The following TEX36 variants were observed in gnomAD, a reference collection of about 807,000 sequenced individuals.
The protein encoded by TEX36 is testis-expressed protein 36.
Under a neutral mutation model 13.6 loss-of-function variants are expected in TEX36, and 12 were observed. That is an observed-to-expected ratio of 0.88 (90% confidence interval 0.56 to 1.43). The LOEUF is 1.43. Ranked by LOEUF, TEX36 falls within the 40% of genes most tolerant of loss-of-function variation. The probability of loss-of-function intolerance (pLI) is 0.00; values close to 1 mark genes in which losing one functional copy is unlikely to be tolerated. For missense variants in TEX36, 224 were observed against 228.3 expected (o/e 0.98, Z 0.12); for synonymous variants, 93 against 83.0 (o/e 1.12, Z -0.65).
intron 3 of TEX36, among the ~76,000 whole-genome samples, chr10:125,644,724 A>G (rs1846741443): frequency 6.6e-6 from 1 of 152,184 alleles, no homozygotes. Context: ...TGTGAATATG[A>G]TGCTGTGTCA....
intron 1 of TEX36, among the ~76,000 whole-genome samples, chr10:125,668,798 G>A (rs1483620366): frequency 1.3e-5 from 2 of 152,156 alleles, no homozygotes; most frequent in African/African-American, 4.8e-5. Flanking sequence ...TCCTTGGAGT[G>A]CATTGTTGAT....
chr10:125,604,282 G>A (rs1846187661), intron 3 of TEX36, among the ~76,000 whole-genome samples: 1 of 152,148 alleles, frequency 6.6e-6, no homozygotes, highest in African/African-American at 2.4e-5. Flanking sequence ...TACCGCCTGA[G>A]CTCCCTGCCC....
downstream of TEX36, among the ~76,000 whole-genome samples, chr10:125,655,218 G>C (rs1197399151): frequency 6.6e-6 from 1 of 152,142 alleles, no homozygotes; most frequent in Non-Finnish European, 1.5e-5. Context: ...GCCGAGGTGG[G>C]AGGATCACTT....
chr10:125,593,018 G>C (rs1846040030), intron 3 of TEX36, among the ~76,000 whole-genome samples: 1 of 152,108 alleles, frequency 6.6e-6, no homozygotes. Context: ...TTTTTATGAA[G>C]GTTTCATTAT....
chr10:125,577,919 G>T (rs1290669864), intron 3 of TEX36, among the ~76,000 whole-genome samples: 1 of 152,202 alleles, frequency 6.6e-6, no homozygotes, highest in Non-Finnish European at 1.5e-5. Context: ...AGATTAAAAA[G>T]GGCAGGTCTT....
chr10:125,597,747 G>A (rs1240659558), intron 3 of TEX36, among the ~76,000 whole-genome samples: 1 of 152,190 alleles, frequency 6.6e-6, no homozygotes, highest in Non-Finnish European at 1.5e-5. Flanking sequence ...AAGAATGGCA[G>A]TCAGGGTTTA....
intron 1 of TEX36, among the ~76,000 whole-genome samples, chr10:125,681,288 T>C (rs1847388266): frequency 6.6e-6 from 1 of 152,214 alleles, no homozygotes. Flanking sequence ...AACTTCTAGG[T>C]TTCATTGTTA....
chr10:125,623,321 C>T (rs1846449649), intron 3 of TEX36, among the ~76,000 whole-genome samples: 1 of 152,126 alleles, frequency 6.6e-6, no homozygotes, highest in Non-Finnish European at 1.5e-5. Flanking sequence ...GAGGGTAGGT[C>T]CTCCTCTCCT....
chr10:125,628,397 G>A (rs1419370434), intron 3 of TEX36, among the ~76,000 whole-genome samples: 1 of 152,198 alleles, frequency 6.6e-6, no homozygotes, highest in Non-Finnish European at 1.5e-5. Context: ...TGGCTGCTGT[G>A]CAAAGTCTTC....
In TEX36 at chr10:125,661,958, G is replaced by C. The variant is rs971316028; in HGVS notation, c.71C>G (p.Thr24Arg). The C allele has an allele frequency of 2.6e-6, 4 of 1,552,224 alleles. No individual in the cohort carries two copies. The African/African-American group carries it at 5.5e-5, about 21-fold the overall frequency. ...DGRWFPHIGL[T>R]QKTPESITSA... ...GGTGATGGATTCTGGTGTCTTTTGC[G>C]TTAGCCCGATGTGAGGGAACTGGAA... Residue 24 changes from threonine (T) to arginine (R), a missense_variant, in exon 2 of 4, where the codon ACG (threonine) becomes AGG (arginine). Thr to Arg is a moderately conservative substitution (Grantham distance 71). Transcript: ENST00000368821.
rs756505995 is a variant in TEX36, at chr10:125,655,950, T to C, written c.511A>G (p.Lys171Glu). The change falls in exon 4 of 4, where the codon AAA becomes GAA. Residue 171 changes from lysine (K) to glutamate (E), a missense_variant. Transcript: ENST00000368821. The part of the protein sequence containing the change: ...SYTEVLKKKP[K>E]VRFTVDKKVV... Reference sequence around the variant, plus strand: ...TTTTTGTCAACAGTGAACCTTACTTTGGGCTTCTTTTTCAAAACCTCTGTA... The same window carrying C: ...TTTTTGTCAACAGTGAACCTTACTTCGGGCTTCTTTTTCAAAACCTCTGTA... 10 of 1,548,616 alleles carry C rather than the reference T, an allele frequency of 6.5e-6. No individual in the cohort carries two copies. The South Asian group carries it at 9.6e-5, about 15-fold the overall frequency.
chr10:125,660,714 C>G (rs1025869131), intron 3 of TEX36, among the ~76,000 whole-genome samples: 2 of 152,208 alleles, frequency 1.3e-5, no homozygotes, highest in Non-Finnish European at 1.5e-5. Flanking sequence ...CATAGCAGTC[C>G]CTCCTTCCCA....
intron 3 of TEX36, among the ~76,000 whole-genome samples, chr10:125,603,520 A>G (rs1846176343): frequency 6.6e-6 from 1 of 151,938 alleles, no homozygotes; most frequent in Non-Finnish European, 1.5e-5. Flanking sequence ...CGAACCTTAT[A>G]CTGCACAGTG....
chr10:125,617,018 T>G (rs1487894949), downstream of TEX36, among the ~76,000 whole-genome samples: 1 of 152,268 alleles, frequency 6.6e-6, no homozygotes, highest in Non-Finnish European at 1.5e-5. Flanking sequence ...CTTGTTGAAT[T>G]GATCCCTTTG....
chr10:125,577,323 C>G (rs551204643), intron 3 of TEX36, among the ~76,000 whole-genome samples: 30 of 152,214 alleles, frequency 2.0e-4, no homozygotes, highest in African/African-American at 7.2e-4. Flanking sequence ...ATGGCGAAAC[C>G]CTGTCTCTAC....
chr10:125,600,582 A>G (rs1236553223), intron 3 of TEX36, among the ~76,000 whole-genome samples: 2 of 152,318 alleles, frequency 1.3e-5, no homozygotes, highest in East Asian at 3.9e-4. Flanking sequence ...ATCTAGCCCT[A>G]CATGCTACAT....
At chr10:125,611,889 T>A (rs1226156537) in intron 3 of TEX36, among the ~76,000 whole-genome samples, 1 of 152,066 alleles carries the variant, frequency 6.6e-6, no homozygotes, top group Non-Finnish European at 1.5e-5. Flanking sequence ...GTGTTTTTTC[T>A]GATTTCCCCA....
chr10:125,585,458 C>T (rs976808358), intron 3 of TEX36, among the ~76,000 whole-genome samples: 7 of 152,142 alleles, frequency 4.6e-5, no homozygotes, highest in Non-Finnish European at 5.9e-5. Flanking sequence ...TCCCCTTTCT[C>T]CCCCAAGGCC....
chr10:125,632,179 G>C (rs532913833), intron 3 of TEX36, among the ~76,000 whole-genome samples: 15 of 152,226 alleles, frequency 9.9e-5, no homozygotes, highest in African/African-American at 3.4e-4. Context: ...GTGTCTTCAA[G>C]CAGACAGAAT....
Sources: gnomAD v4.1 joint callset for allele counts (sites outside exome capture counted in the v4.1 genomes callset) on GRCh38, gnomAD v4.1.1 for gene constraint, MANE v1.5 for transcripts, NCBI Gene and HGNC (gene_info 2026-07-23, HGNC 2026-07-21) for gene names.